The following PITPNM3 variants were observed in gnomAD, a reference collection of about 807,000 sequenced individuals.
PITPNM3 encodes PITPNM family member 3, also known as membrane-associated phosphatidylinositol transfer protein 3.
A neutral mutation model predicts 102.0 loss-of-function variants in PITPNM3; 26 were observed. The observed-to-expected ratio is 0.25, with a 90% CI of 0.19 to 0.35. The LOEUF is 0.35. Ranked by LOEUF, PITPNM3 falls within the 10% of genes least tolerant of loss-of-function variation. PITPNM3 has a pLI of 1.00. For synonymous variants in PITPNM3, 578 were observed against 558.6 expected (o/e 1.03, Z -0.49); for missense variants, 1,083 against 1,346.1 (o/e 0.80, Z 3.06).
In PITPNM3 at chr17:6,455,309, C is replaced by A. The variant is rs1185066793; in HGVS notation, c.*29G>T. The A allele has an allele frequency of 1.9e-6, 3 of 1,542,560 alleles. No individual in the cohort carries two copies. Among genetic ancestry groups the A allele is most frequent in the Admixed American group, 2.0e-5 (1 of 51,022 alleles). On this transcript the variant is annotated 3_prime_UTR_variant, in exon 20 of 20. Transcript: ENST00000262483. ...CCGCAGGCAGCCTGATTGGGCCCCC[C>A]GCTCCCTGCTCTGAGCACAGCCCAC...
At position 6,470,937 on chromosome 17, in the gene PITPNM3, G is replaced by C. The variant is rs1905037304; in HGVS notation, c.1624+224C>G. Among the ~76,000 whole-genome samples the C allele has an allele frequency of 6.6e-6, 1 of 152,148 alleles. No homozygotes were observed. The highest frequency in any genetic ancestry group is 1.5e-5 in the Non-Finnish European group (1 of 68,016). On this transcript the variant is annotated intron_variant, in intron 12 of 19. Coordinates refer to ENST00000262483, the MANE Select transcript of PITPNM3 (RefSeq NM_031220.4). This position sits in a 1 kb window ranked among gnomAD's most constrained non-coding sequence, Gnocchi z 4.8. ...GGGTCAGAGGTCAAGGTTCCTCCAA[G>C]GTCAGAGCTCAGTTTGGGGCCAGAG...
chr17:6,521,588 AGCTGGT>A (rs1908522232), intron 3 of PITPNM3, among the ~76,000 whole-genome samples: 1 of 151,838 alleles, frequency 6.6e-6, no homozygotes, highest in South Asian at 2.1e-4. Flanking sequence ...CTGGGTGTTC[AGCTGGT>A]GCTGAAGGAT....
chr17:6,458,860 CCCA>C lies in PITPNM3; in HGVS notation c.2491-1141_2491-1139del, dbSNP rs1458849811. Among the ~76,000 whole-genome samples, 1 of 134,042 alleles carries C rather than the reference CCCA, an allele frequency of 7.5e-6. No individual in the cohort carries two copies. Among genetic ancestry groups the C allele is most frequent in the Non-Finnish European group, 1.7e-5 (1 of 60,472 alleles). 87.9% of individuals were successfully genotyped at this position (134,042 alleles called of 152,430 possible). ...CCACCTTGTGTTTTTGTACATGCTG[CCCA>C]CCGAGAGCTGCTAAAGAAACAGAGC... is the stretch of plus-strand genomic sequence containing the variant. On this transcript the variant is annotated intron_variant, in intron 18 of 19. Coordinates refer to ENST00000262483, the MANE Select transcript of PITPNM3 (RefSeq NM_031220.4). This position sits in a 1 kb window ranked among gnomAD's most constrained non-coding sequence, Gnocchi z 5.1.
chr17:6,518,315 G>A (rs1307842656), intron 3 of PITPNM3, among the ~76,000 whole-genome samples: 1 of 152,112 alleles, frequency 6.6e-6, no homozygotes, highest in Non-Finnish European at 1.5e-5. Context: ...TGTGGAATGT[G>A]TCCAACATGG....
chr17:6,520,980 G>A (rs1019637246), intron 3 of PITPNM3, among the ~76,000 whole-genome samples: 1 of 152,338 alleles, frequency 6.6e-6, no homozygotes, highest in East Asian at 1.9e-4. Context: ...CCAAGGGCTG[G>A]GGAAAGGAAA....
chr17:6,543,363 C>A (rs2150671928), intron 1 of PITPNM3, among the ~76,000 whole-genome samples: 1 of 152,354 alleles, frequency 6.6e-6, no homozygotes, highest in African/African-American at 2.4e-5. Context: ...GAGAGACAGA[C>A]AGGCAGACAG....
intron 3 of PITPNM3, among the ~76,000 whole-genome samples, chr17:6,513,281 T>C (rs1907975649): frequency 6.6e-6 from 1 of 152,178 alleles, no homozygotes; most frequent in East Asian, 1.9e-4. Context: ...TTCTATTCAA[T>C]ATTATGTTGG....
chr17:6,553,847 C>G (rs1459338697), intron 1 of PITPNM3, among the ~76,000 whole-genome samples: 1 of 152,134 alleles, frequency 6.6e-6, no homozygotes, highest in Non-Finnish European at 1.5e-5. Flanking sequence ...TCTATGTTCT[C>G]CTTGGGCCTC....
At chr17:6,549,910 A>C (rs1169489846) in intron 1 of PITPNM3, among the ~76,000 whole-genome samples, 1 of 152,124 alleles carries the variant, frequency 6.6e-6, no homozygotes, top group Non-Finnish European at 1.5e-5. Flanking sequence ...CCACGTCCTC[A>C]GCTCCCCATG....
rs1904957988 is a variant in PITPNM3, at chr17:6,469,571, G to A, written c.1773+689C>T. Among the ~76,000 whole-genome samples, 2 of 152,132 alleles carry A rather than the reference G, an allele frequency of 1.3e-5. No homozygotes were observed. The highest frequency in any genetic ancestry group is 6.5e-5 in the Admixed American group (1 of 15,282). ...TCCTACAACGCAGACAGCCACAAGC[G>A]CTCTCACCGTAATGCAAATCTTGCC... On this transcript the variant is annotated intron_variant, in intron 13 of 19. Transcript: ENST00000262483. This position sits in a 1 kb window ranked among gnomAD's most constrained non-coding sequence, Gnocchi z 4.0.
At chr17:6,549,343 T>C (rs1448257402) in intron 1 of PITPNM3, among the ~76,000 whole-genome samples, 1 of 152,220 alleles carries the variant, frequency 6.6e-6, no homozygotes, top group Non-Finnish European at 1.5e-5. Context: ...GCACTGACAG[T>C]GACCACACAG....
In PITPNM3 at chr17:6,490,753, C is replaced by T. The variant is rs372465688; in HGVS notation, c.275-6461G>A. 2.9e-4 allele frequency among the ~76,000 whole-genome samples: 44 copies of T among 151,286 alleles called. 4 individuals carry two copies. The highest frequency in any genetic ancestry group is 2.2e-3 in the Admixed American group (33 of 15,178). ...GGCAGATCAGTTGAGCTCAGGAGTT[C>T]GAGACCAGCCCGGCCAACCTGGTGA... is the stretch of plus-strand genomic sequence containing the variant. On this transcript the variant is annotated intron_variant, in intron 4 of 19. Coordinates refer to ENST00000262483, the MANE Select transcript of PITPNM3 (RefSeq NM_031220.4).
At chr17:6,486,506 G>A (rs184033542) in intron 4 of PITPNM3, among the ~76,000 whole-genome samples, 21 of 152,292 alleles carry the variant, frequency 1.4e-4, no homozygotes, top group Admixed American at 7.8e-4. Context: ...GAGCATTTCT[G>A]AAATATTCTG....
Position 6,556,367 on chromosome 17 carries a change from C to CCCCGCGCCCG in PITPNM3, c.22+8_22+17dup, listed in dbSNP as rs1266833583. ...CTCCCCCGGGCCCCGGCCCTGCCCTCCCCGCGCCCGCCCTCACCTGCACGG... is the reference window on the plus strand; with the variant it reads ...CTCCCCCGGGCCCCGGCCCTGCCCTCCCCGCGCCCGCCCGCGCCCGCCCTCACCTGCACGG... On this transcript the variant is annotated intron_variant, in intron 1 of 19. Transcript: ENST00000262483. This position sits in a 1 kb window ranked among gnomAD's most constrained non-coding sequence, Gnocchi z 5.2. 4.3e-6 allele frequency: 6 copies of CCCCGCGCCCG among 1,397,876 alleles called. No individual in the cohort carries two copies. Among genetic ancestry groups the CCCCGCGCCCG allele is most frequent in the African/African-American group, 1.5e-5 (1 of 66,832 alleles). 86.6% of individuals were successfully genotyped at this position (1,397,876 alleles called of 1,614,324 possible).
chr17:6,453,115 T>G lies in PITPNM3; in HGVS notation c.*2223A>C, dbSNP rs1243410183. On this transcript the variant is annotated 3_prime_UTR_variant, in exon 20 of 20. Transcript: ENST00000262483. ...TGTCTTCCTTTCTTTCTCTCTCTCT[T>G]TCTCTCTCCCTCTCTCTCTCTCTCT... 1 of 118,960 alleles carries G rather than the reference T, an allele frequency of 8.4e-6. No individual in the cohort carries two copies. Among genetic ancestry groups the G allele is most frequent in the Non-Finnish European group, 1.9e-5 (1 of 52,524 alleles). 7.4% of individuals were successfully genotyped at this position (118,960 alleles called of 1,614,324 possible).
chr17:6,460,450 T>G (rs1394396797), intron 18 of PITPNM3: 1 of 152,252 alleles, frequency 6.6e-6, no homozygotes, highest in Non-Finnish European at 1.5e-5. Flanking sequence ...ATTTGCAGAC[T>G]TTTTCTTTGA....
At chr17:6,524,817 C>G (rs1200051641) in intron 3 of PITPNM3, among the ~76,000 whole-genome samples, 1 of 152,134 alleles carries the variant, frequency 6.6e-6, no homozygotes, top group Non-Finnish European at 1.5e-5. Flanking sequence ...AGATGGATGC[C>G]AAAAAGAATC....
intron 1 of PITPNM3, among the ~76,000 whole-genome samples, chr17:6,541,057 A>G (rs1482753146): frequency 2.6e-5 from 4 of 152,110 alleles, no homozygotes; most frequent in Non-Finnish European, 5.9e-5. Flanking sequence ...GGTGCAGGGA[A>G]CCTCAGTTAT....
rs1441421739 is a variant in PITPNM3, at chr17:6,454,653, A to T, written c.*685T>A. ...ATGAGGCAGGGCTCCGGGAAGAGGAAGCCCTGGCCTCCAGGGCCACAGGGA... is the reference window on the plus strand; with the variant it reads ...ATGAGGCAGGGCTCCGGGAAGAGGATGCCCTGGCCTCCAGGGCCACAGGGA... On this transcript the variant is annotated 3_prime_UTR_variant, in exon 20 of 20. Transcript: ENST00000262483. 6.6e-6 allele frequency: 1 copy of T among 152,446 alleles called. No individual in the cohort carries two copies. The highest frequency in any genetic ancestry group is 1.5e-5 in the Non-Finnish European group (1 of 68,232). The allele number at this position is 152,446 out of a possible 1,614,324, so 9.4% of individuals were successfully genotyped here. A position where few individuals can be genotyped will look rare whatever the true frequency, so the allele number is the denominator to read the frequency against.
Sources: gnomAD v4.1 joint callset for allele counts (sites outside exome capture counted in the v4.1 genomes callset) on GRCh38, gnomAD v4.1.1 for gene constraint, Gnocchi (gnomAD v3.1) non-coding constraint, MANE v1.5 for transcripts, NCBI Gene and HGNC (gene_info 2026-07-23, HGNC 2026-07-21) for gene names.